Variants in PCCA observed in about 807,000 individuals in gnomAD.
PCCA encodes propionyl-CoA carboxylase subunit alpha.
Under a neutral mutation model 101.3 loss-of-function variants are expected in PCCA, and 74 were observed. The ratio of observed to expected loss-of-function variants is 0.73; its 90% CI spans 0.61 to 0.89. The LOEUF (loss-of-function observed/expected upper bound fraction) is 0.89, where lower values mean the gene tolerates loss of function less well. Ranked by LOEUF, PCCA falls within the 40% of genes least tolerant of loss-of-function variation. PCCA has a pLI of 0.00. For missense variants in PCCA, 891 were observed against 907.0 expected, an observed-to-expected ratio of 0.98 and a Z score of 0.23; for synonymous variants, 294 against 313.6, an observed-to-expected ratio of 0.94 and a Z score of 0.66.
At chr13:100,199,507 C>T (rs1409284689) in intron 6 of PCCA, among the ~76,000 whole-genome samples, 3 of 152,176 alleles carry the variant, frequency 2.0e-5, no homozygotes, top group Non-Finnish European at 4.4e-5. Flanking sequence ...CATGGCGATG[C>T]TATAGCTCAG....
At chr13:100,525,878 A>T (rs765466037) in intron 22 of PCCA, among the ~76,000 whole-genome samples, 2 of 152,224 alleles carry the variant, frequency 1.3e-5, no homozygotes, top group Non-Finnish European at 2.9e-5. Flanking sequence ...TGGAGAGAGA[A>T]CAGTGCCCAG....
intron 6 of PCCA, among the ~76,000 whole-genome samples, chr13:100,165,894 A>C (rs1052215621): frequency 1.3e-5 from 2 of 152,182 alleles, no homozygotes; most frequent in Non-Finnish European, 1.5e-5. Flanking sequence ...AAAAAAATAA[A>C]TAAGTAAATA....
intron 4 of PCCA, among the ~76,000 whole-genome samples, chr13:100,139,750 T>G (rs1053373376): frequency 2.6e-5 from 4 of 152,308 alleles, no homozygotes; most frequent in African/African-American, 7.2e-5. Flanking sequence ...TCCTTCCCTG[T>G]AAGAGATTTA....
intron 21 of PCCA, among the ~76,000 whole-genome samples, chr13:100,500,929 G>A (rs1225184628): frequency 6.6e-6 from 1 of 152,164 alleles, no homozygotes; most frequent in Non-Finnish European, 1.5e-5. Context: ...AGATCACAAG[G>A]TCACGAGTTT....
intron 14 of PCCA, among the ~76,000 whole-genome samples, chr13:100,306,326 T>C (rs2066447526): frequency 6.6e-6 from 1 of 152,226 alleles, no homozygotes; most frequent in South Asian, 2.1e-4. Flanking sequence ...AGTTCCTCCA[T>C]CCTCAAGACC....
intron 10 of PCCA, among the ~76,000 whole-genome samples, chr13:100,263,886 CTG>C (rs1286138110): frequency 2.0e-5 from 3 of 148,734 alleles, no homozygotes; most frequent in Non-Finnish European, 3.0e-5. Context: ...TATATGGTAT[CTG>C]TATGTCATAG....
intron 4 of PCCA, among the ~76,000 whole-genome samples, chr13:100,134,928 G>A (rs1479331967): frequency 6.8e-6 from 1 of 147,844 alleles, no homozygotes; most frequent in Non-Finnish European, 1.5e-5. Context: ...GTTTTTTGTA[G>A]ACAGGGTCTT....
chr13:100,452,058 TC>T (rs1234703757), intron 21 of PCCA, among the ~76,000 whole-genome samples: 1 of 92,516 alleles, frequency 1.1e-5, no homozygotes, highest in African/African-American at 4.7e-5. Flanking sequence ...TCCTCTCTCC[TC>T]TTCCTCCTCT....
intron 8 of PCCA, among the ~76,000 whole-genome samples, chr13:100,236,260 T>C (rs1594862186): frequency 6.6e-6 from 1 of 152,336 alleles, no homozygotes; most frequent in Non-Finnish European, 1.5e-5. Context: ...CATAGTTCTT[T>C]AAGTTTTTGC....
intron 6 of PCCA, among the ~76,000 whole-genome samples, chr13:100,159,621 C>T (rs1214335801): frequency 6.6e-6 from 1 of 152,164 alleles, no homozygotes; most frequent in African/African-American, 2.4e-5. Context: ...GGATGATTTC[C>T]ATCTGGGGTT....
chr13:100,412,419 A>T (rs2078110737), intron 19 of PCCA, among the ~76,000 whole-genome samples: 1 of 152,216 alleles, frequency 6.6e-6, no homozygotes, highest in Non-Finnish European at 1.5e-5. Flanking sequence ...TATAACTTTT[A>T]TGTATATCTG....
At position 100,294,941 on chromosome 13, in the gene PCCA, C is replaced by CT. The variant is rs34944334; in HGVS notation, c.1066-6511dup. Among the ~76,000 whole-genome samples, 23 of 151,920 alleles carry CT rather than the reference C, an allele frequency of 1.5e-4. 1 individual carries two copies. Among genetic ancestry groups the CT allele is most frequent in the Admixed American group, 1.2e-3 (18 of 15,244 alleles). ...GGTTTCTAAGCCCTGCAGTCCAACTCTTTTTTTTGTTTTTTTCTGAGGTAG... is the reference window on the plus strand; with the variant it reads ...GGTTTCTAAGCCCTGCAGTCCAACTCTTTTTTTTTGTTTTTTTCTGAGGTAG... On this transcript the variant is annotated intron_variant, in intron 12 of 23. Coordinates refer to ENST00000376285, the MANE Select transcript of PCCA (RefSeq NM_000282.4).
chr13:100,134,270 G>A (rs563770357), intron 4 of PCCA, among the ~76,000 whole-genome samples: 5 of 152,202 alleles, frequency 3.3e-5, no homozygotes, highest in South Asian at 2.1e-4. Flanking sequence ...ATTCATCTGT[G>A]TCTATTCCCT....
intron 18 of PCCA, among the ~76,000 whole-genome samples, chr13:100,354,116 TAATAA>T (rs1566988250): frequency 7.8e-6 from 1 of 128,852 alleles, no homozygotes; most frequent in African/African-American, 2.7e-5. Context: ...ATAATAATAA[TAATAA>T]AATAATTCGC....
In PCCA at chr13:100,118,008, T is replaced by C. The variant is rs572204152; in HGVS notation, c.300+5947T>C. Among the ~76,000 whole-genome samples, 422 of 150,012 alleles carry C rather than the reference T, an allele frequency of 2.8e-3. 2 individuals are homozygous for C. The highest frequency in any genetic ancestry group is 9.9e-3 in the African/African-American group (402 of 40,636). On this transcript the variant is annotated intron_variant, in intron 4 of 23. Coordinates refer to ENST00000376285, the MANE Select transcript of PCCA (RefSeq NM_000282.4). ...GCAGGCTCCTGTGGTCCCAGCTACT[T>C]GGGAGGCTGAGGCAGGAGAATGGTG...
chr13:100,334,257 A>G (rs1445597105), intron 17 of PCCA, among the ~76,000 whole-genome samples: 1 of 152,208 alleles, frequency 6.6e-6, no homozygotes. Flanking sequence ...GCACATCTTT[A>G]TAAGCCATCC....
At chr13:100,261,804 T>C (rs2062543631) in intron 9 of PCCA, among the ~76,000 whole-genome samples, 1 of 152,212 alleles carries the variant, frequency 6.6e-6, no homozygotes, top group African/African-American at 2.4e-5. Context: ...TTATAGAAGA[T>C]AAAATTGTAA....
At chr13:100,374,469 A>C (rs183089878) in intron 19 of PCCA, among the ~76,000 whole-genome samples, 3 of 152,182 alleles carry the variant, frequency 2.0e-5, no homozygotes, top group African/African-American at 7.2e-5. Context: ...AAAACTGGTC[A>C]AAATAGTTTT....
intron 19 of PCCA, among the ~76,000 whole-genome samples, chr13:100,397,625 G>A (rs898652884): frequency 2.0e-5 from 3 of 152,150 alleles, no homozygotes; most frequent in Admixed American, 2.0e-4. Context: ...CTAACTCAGT[G>A]TTTAAACCTT....
Sources: allele counts gnomAD v4.1 joint callset (sites outside exome capture counted in the v4.1 genomes callset), GRCh38; gene constraint gnomAD v4.1.1; transcripts MANE v1.5; gene names NCBI Gene and HGNC (gene_info 2026-07-23, HGNC 2026-07-21).